The following MECOM variants were observed in gnomAD, a reference collection of about 807,000 sequenced individuals.
MECOM encodes the protein histone-lysine N-methyltransferase MECOM.
In MECOM, 13 loss-of-function variants were observed where a neutral mutation model predicts 116.3. The ratio of observed to expected loss-of-function variants is 0.11; its 90% CI spans 0.07 to 0.18. MECOM has a LOEUF of 0.18. Ranked by LOEUF, MECOM falls within the 10% of genes least tolerant of loss-of-function variation. The pLI is 1.00. For missense variants in MECOM, 1,299 were observed against 1,509.0 expected (o/e 0.86, Z 2.31); for synonymous variants, 528 against 535.2 (o/e 0.99, Z 0.19).
chr3:169,318,935 T>C (rs745346191), intron 2 of MECOM, among the ~76,000 whole-genome samples: 4 of 151,668 alleles, frequency 2.6e-5, no homozygotes, highest in Non-Finnish European at 5.9e-5. Context: ...CTCGTCGCTA[T>C]TAAAAATACA....
chr3:169,404,202 T>TA lies in MECOM; in HGVS notation c.38-22679dup, dbSNP rs1056864152. On this transcript the variant is annotated intron_variant, in intron 1 of 16. Transcript: ENST00000651503. ...CTAAGAGCCAAATTTCTTCCTAGATTAAAAAAAATAGTTTGAAAAAAGTTG... is the reference window on the plus strand; with the variant it reads ...CTAAGAGCCAAATTTCTTCCTAGATTAAAAAAAAATAGTTTGAAAAAAGTTG... Among the ~76,000 whole-genome samples the TA allele has an allele frequency of 1.3e-4, 20 of 151,878 alleles. No individual in the cohort carries two copies. The East Asian group carries it at 1.7e-3, about 13-fold the overall frequency.
In MECOM at chr3:169,095,193, C is replaced by A; in HGVS notation, c.2902G>T (p.Val968Phe). 6.2e-7 allele frequency: 1 copy of A among 1,613,442 alleles called. No individual in the cohort carries two copies. Among genetic ancestry groups the A allele is most frequent in the Non-Finnish European group, 8.5e-7 (1 of 1,179,752 alleles). ...TTCTCTTTATTGTGGATGTTGCGAACATGCCTTTGCAAGTTAGAAGATATG... is the reference window on the plus strand; with the variant it reads ...TTCTCTTTATTGTGGATGTTGCGAAAATGCCTTTGCAAGTTAGAAGATATG... ...FSISSNLQRH[V>F]RNIHNKEKPF... The change falls in exon 13 of 17, where the codon GTT becomes TTT. Residue 968 changes from valine (V) to phenylalanine (F), a missense_variant. Val to Phe is a conservative substitution (Grantham distance 50). Coordinates refer to ENST00000651503, the MANE Select transcript of MECOM (RefSeq NM_004991.4).
intron 2 of MECOM, among the ~76,000 whole-genome samples, chr3:169,264,758 T>G (rs74498695): frequency 0.019 from 2,864 of 152,332 alleles, 97 homozygotes; most frequent in African/African-American, 0.066. Flanking sequence ...TTTATTTATT[T>G]TATACAAGTT....
At chr3:169,273,499 T>G (rs1309779779) in intron 2 of MECOM, among the ~76,000 whole-genome samples, 1 of 152,098 alleles carries the variant, frequency 6.6e-6, no homozygotes, top group Non-Finnish European at 1.5e-5. Flanking sequence ...CCATCAACAC[T>G]AAAACTAGTC....
chr3:169,417,088 A>G (rs1204838439), intron 1 of MECOM, among the ~76,000 whole-genome samples: 1 of 151,844 alleles, frequency 6.6e-6, no homozygotes, highest in African/African-American at 2.4e-5. Context: ...AATGGCAACA[A>G]AAGCCAAAAT....
At chr3:169,286,418 A>T (rs1471444309) in intron 2 of MECOM, among the ~76,000 whole-genome samples, 3 of 152,164 alleles carry the variant, frequency 2.0e-5, no homozygotes, top group Admixed American at 2.0e-4. Flanking sequence ...CTCGATGCAG[A>T]GCCTGAGTAA....
intron 1 of MECOM, among the ~76,000 whole-genome samples, chr3:169,386,257 T>C (rs1345269628): frequency 6.6e-6 from 1 of 152,176 alleles, no homozygotes; most frequent in African/African-American, 2.4e-5. Context: ...GTAACTTCCA[T>C]AGATGTATCC....
intron 1 of MECOM, among the ~76,000 whole-genome samples, chr3:169,612,795 C>T (rs1007221642): frequency 2.6e-5 from 4 of 152,158 alleles, no homozygotes; most frequent in Non-Finnish European, 5.9e-5. Context: ...CAAACCTCTG[C>T]TGGTTCTACT....
chr3:169,099,095 T>C (rs1453362843), intron 12 of MECOM, among the ~76,000 whole-genome samples: 1 of 147,910 alleles, frequency 6.8e-6, no homozygotes, highest in Non-Finnish European at 1.5e-5. Context: ...ACACTGTTCA[T>C]TGGAATTCTT....
chr3:169,483,930 A>G, intron 1 of MECOM: 1 of 1,607,982 alleles, frequency 6.2e-7, no homozygotes, highest in African/African-American at 1.3e-5. Flanking sequence ...CCTTTCTTGC[A>G]AAAACTGCTC....
intron 1 of MECOM, among the ~76,000 whole-genome samples, chr3:169,613,279 C>G (rs1323700015): frequency 6.6e-6 from 1 of 152,180 alleles, no homozygotes; most frequent in Non-Finnish European, 1.5e-5. Flanking sequence ...TATCAGGAAG[C>G]AGGAGATGGC....
At chr3:169,652,918 C>T (rs1775092872) in intron 1 of MECOM, among the ~76,000 whole-genome samples, 1 of 152,182 alleles carries the variant, frequency 6.6e-6, no homozygotes, top group Admixed American at 6.5e-5. Flanking sequence ...CTAGGAATTA[C>T]ATGAGTCCAC....
At chr3:169,085,140 T>C (rs949805261) in intron 16 of MECOM, 97 bp from the exon 17 acceptor site, 2 of 1,443,022 alleles carry the variant, frequency 1.4e-6, no homozygotes, top group Admixed American at 1.7e-5. Flanking sequence ...GATGGGACCC[T>C]GAGTAGGGGC....
chr3:169,580,767 T>C (rs1452383550), intron 1 of MECOM, among the ~76,000 whole-genome samples: 1 of 152,208 alleles, frequency 6.6e-6, no homozygotes, highest in East Asian at 1.9e-4. Flanking sequence ...TAAGAGCAGA[T>C]TGTGTGTTCT....
At chr3:169,552,832 G>A (rs533396731) in intron 1 of MECOM, among the ~76,000 whole-genome samples, 10 of 135,966 alleles carry the variant, frequency 7.4e-5, no homozygotes, top group African/African-American at 3.0e-4. Flanking sequence ...GAGGAAGTGG[G>A]GCGGTGCCAT....
At chr3:169,112,613 T>A (rs1176565614) in intron 9 of MECOM, among the ~76,000 whole-genome samples, 174 bp downstream of exon 9, 1 of 152,186 alleles carries the variant, frequency 6.6e-6, no homozygotes, top group Non-Finnish European at 1.5e-5. Context: ...ATATATTAAC[T>A]AATTTTTCTT....
intron 1 of MECOM, among the ~76,000 whole-genome samples, chr3:169,436,574 T>C (rs1370580387): frequency 1.3e-5 from 2 of 152,108 alleles, no homozygotes; most frequent in Non-Finnish European, 1.5e-5. Flanking sequence ...TACACGTCAG[T>C]TTCTTCAATA....
At chr3:169,137,547 T>C (rs1041718565) in intron 3 of MECOM, among the ~76,000 whole-genome samples, 11 of 152,086 alleles carry the variant, frequency 7.2e-5, no homozygotes, top group African/African-American at 2.7e-4. Flanking sequence ...TCACCCTTAG[T>C]TTCTCCAAAG....
At chr3:169,605,565 G>A (rs150366742) in intron 1 of MECOM, among the ~76,000 whole-genome samples, 4 of 152,276 alleles carry the variant, frequency 2.6e-5, no homozygotes, top group East Asian at 1.9e-4. Context: ...TGTGCTAGAC[G>A]ACAAGACTAA....
Sources: gnomAD v4.1 joint callset for allele counts (sites outside exome capture counted in the v4.1 genomes callset) on GRCh38, gnomAD v4.1.1 for gene constraint, MANE v1.5 for transcripts, NCBI Gene and HGNC (gene_info 2026-07-23, HGNC 2026-07-21) for gene names.